GATAD2B: variants seen among roughly 807,000 people sequenced by gnomAD.
The protein encoded by GATAD2B is GATA zinc finger domain containing 2B, also known as transcriptional repressor p66-beta.
A neutral mutation model predicts 64.3 loss-of-function variants in GATAD2B; 8 were observed. That is an observed-to-expected ratio of 0.12 (90% CI 0.07 to 0.22). GATAD2B has a LOEUF of 0.22. GATAD2B is among the 10% of genes least tolerant of loss of function. The pLI is 1.00. For missense variants in GATAD2B, 453 were observed against 752.0 expected (o/e 0.60, Z 4.65); for synonymous variants, 281 against 271.3 (o/e 1.04, Z -0.35).
intron 1 of GATAD2B, among the ~76,000 whole-genome samples, chr1:153,842,333 C>A (rs372463036): frequency 6.6e-6 from 1 of 152,092 alleles, no homozygotes; most frequent in East Asian, 1.9e-4. Flanking sequence ...TTCCTTTTTA[C>A]TGTTGAGTTT....
chr1:153,881,956 G>T (rs1414995349), intron 1 of GATAD2B, among the ~76,000 whole-genome samples: 6 of 152,112 alleles, frequency 3.9e-5, no homozygotes, highest in Non-Finnish European at 1.5e-5. Flanking sequence ...AGCGGGCACT[G>T]CCCTGCCAAT....
intron 1 of GATAD2B, among the ~76,000 whole-genome samples, chr1:153,878,984 G>A (rs984722153): frequency 2.2e-4 from 33 of 151,730 alleles, no homozygotes; most frequent in Non-Finnish European, 4.6e-4. Flanking sequence ...TGTCGCCCAG[G>A]CTGAAAGTGC....
rs541920757 is a variant in GATAD2B at position 153,849,304 on chromosome 1, T to C, written c.-1-20956A>G. Among the ~76,000 whole-genome samples, 13 of 152,332 alleles carry C rather than the reference T, an allele frequency of 8.5e-5. No homozygotes were observed. In the South Asian group the frequency reaches 2.5e-3, roughly 29 times the overall value. Reference sequence around the variant, plus strand: ...ATGGCAAAGAGAGGGTGCCCTTTTATAACAACATTAATCCCACCCATGAGG... The same window carrying C: ...ATGGCAAAGAGAGGGTGCCCTTTTACAACAACATTAATCCCACCCATGAGG... On this transcript the variant is annotated intron_variant, in intron 1 of 10. Coordinates refer to ENST00000368655, the MANE Select transcript of GATAD2B (RefSeq NM_020699.4).
chr1:153,844,326 C>T (rs889204610), intron 1 of GATAD2B, among the ~76,000 whole-genome samples: 2 of 150,796 alleles, frequency 1.3e-5, no homozygotes, highest in African/African-American at 4.9e-5. Context: ...TATGGGGTAT[C>T]GGGTAGAGTG....
At chr1:153,852,314 C>T in intron 1 of GATAD2B, 1 of 1,026,736 alleles carries the variant, frequency 9.7e-7, no homozygotes, top group South Asian at 1.3e-5. Flanking sequence ...CTGTCAGACA[C>T]TTCCTCAAAG....
chr1:153,832,215 CAAAA>C (rs34162294), intron 1 of GATAD2B, among the ~76,000 whole-genome samples: 1 of 146,654 alleles, frequency 6.8e-6, no homozygotes, highest in African/African-American at 2.5e-5. Flanking sequence ...GACTCCATCT[CAAAA>C]AAAAAAAAGT....
chr1:153,811,829 C>A lies in GATAD2B; in HGVS notation c.1550G>T (p.Ser517Ile). 1 of 1,611,140 alleles carries A rather than the reference C, an allele frequency of 6.2e-7. No homozygotes were observed. Among genetic ancestry groups the A allele is most frequent in the Non-Finnish European group, 8.5e-7 (1 of 1,178,822 alleles). ...AGATGTGGGTATGCCACGCTGGAGG[C>A]TGCTCTGGGGCTGTGGAGCCTGCAA... is the stretch of plus-strand genomic sequence containing the variant. The part of the protein sequence containing the change: ...TLRQAPQPQS[S>I]LQRGIPTSAR... The change falls in exon 10 of 11, where the codon AGC (serine) becomes ATC (isoleucine). Residue 517 changes from serine to isoleucine, a missense_variant. Physicochemically the swap from Ser to Ile is moderately radical, Grantham distance 142 (BLOSUM62 -2). Transcript: ENST00000368655.
rs1446103444 is a variant in GATAD2B, at chr1:153,813,353, A to G, written c.1316T>C (p.Ile439Thr). 6.2e-7 allele frequency: 1 copy of G among 1,613,928 alleles called. No individual in the cohort carries two copies. Among genetic ancestry groups the G allele is most frequent in the Non-Finnish European group, 8.5e-7 (1 of 1,179,932 alleles). ...GGAGGTCATACACTGCTCACATAGA[A>G]TCTTACCATTCTTTTCTTGCTTCCA... Reference protein sequence around the residue: ...PHWKQEKNGKILCEQCMTSNQ... With the variant: ...PHWKQEKNGKTLCEQCMTSNQ... Residue 439 changes from isoleucine (I) to threonine (T), a missense_variant, in exon 8 of 11, where the codon ATT becomes ACT. Ile to Thr is a moderately conservative substitution (Grantham distance 89). Around this residue, in one of 2 missense-constraint regions of GATAD2B, gnomAD observed 160 missense variants for 334.7 expected, o/e 0.48. Transcript: ENST00000368655.
chr1:153,856,596 G>A (rs964691798), intron 1 of GATAD2B, among the ~76,000 whole-genome samples: 1 of 151,926 alleles, frequency 6.6e-6, no homozygotes, highest in Non-Finnish European at 1.5e-5. Context: ...CAAATAAGCT[G>A]AACACAATGG....
chr1:153,895,257 C>G (rs1008705535), intron 1 of GATAD2B, among the ~76,000 whole-genome samples: 1 of 151,672 alleles, frequency 6.6e-6, no homozygotes, highest in Non-Finnish European at 1.5e-5. Flanking sequence ...TCAGGTGAAC[C>G]TGGGAGGCAG....
intron 1 of GATAD2B, among the ~76,000 whole-genome samples, chr1:153,909,269 A>G (rs1678044996): frequency 1.3e-5 from 2 of 151,786 alleles, no homozygotes; most frequent in Non-Finnish European, 2.9e-5. Context: ...GCTGGAGTAC[A>G]GTGGCGCAAT....
In GATAD2B at chr1:153,818,964, C is replaced by T. The variant is rs1483841663; in HGVS notation, c.466-42G>A. On this transcript the variant is annotated intron_variant, in intron 3 of 10. Coordinates refer to ENST00000368655, the MANE Select transcript of GATAD2B (RefSeq NM_020699.4). ...ACTTTCAGCTATGGCAGCAAGGTAC[C>T]CAGAATTCCTTCCTGCAAGAGACAA... The T allele has an allele frequency of 3.8e-6, 6 of 1,594,042 alleles. No homozygotes were observed. In the South Asian group the frequency reaches 6.6e-5, roughly 18 times the overall value.
intron 1 of GATAD2B, among the ~76,000 whole-genome samples, chr1:153,902,617 G>A (rs1677813417): frequency 6.6e-6 from 1 of 151,896 alleles, no homozygotes; most frequent in Admixed American, 6.6e-5. Context: ...ACCATACCCT[G>A]CTAAGTTTTC....
chr1:153,916,277 G>GA (rs200305010), intron 1 of GATAD2B, among the ~76,000 whole-genome samples: 193 of 92,560 alleles, frequency 2.1e-3, no homozygotes, highest in South Asian at 3.1e-3. Flanking sequence ...TCCACCTCAA[G>GA]AAAAAAAAAA....
chr1:153,855,930 G>A (rs1308670485), intron 1 of GATAD2B, among the ~76,000 whole-genome samples: 1 of 151,830 alleles, frequency 6.6e-6, no homozygotes, highest in Non-Finnish European at 1.5e-5. Context: ...TGATTCATCC[G>A]CCTTGGCCTC....
At chr1:153,844,939 C>T (rs1456732190) in intron 1 of GATAD2B, among the ~76,000 whole-genome samples, 1 of 151,190 alleles carries the variant, frequency 6.6e-6, no homozygotes, top group African/African-American at 2.4e-5. Flanking sequence ...AACAGGCTTG[C>T]AAAGAGGCAA....
At chr1:153,874,913 AC>A (rs1676778179) in intron 1 of GATAD2B, among the ~76,000 whole-genome samples, 2 of 151,986 alleles carry the variant, frequency 1.3e-5, no homozygotes, top group South Asian at 2.1e-4. Flanking sequence ...TTGTTCTGTC[AC>A]CCAGGCTGGA....
chr1:153,891,942 T>C (rs1677418616), intron 1 of GATAD2B, among the ~76,000 whole-genome samples: 1 of 151,252 alleles, frequency 6.6e-6, no homozygotes, highest in Non-Finnish European at 1.5e-5. Flanking sequence ...GGCGGGCGGA[T>C]CATGAGGTCA....
At chr1:153,883,956 C>G (rs1042520966) in intron 1 of GATAD2B, among the ~76,000 whole-genome samples, 12 of 151,930 alleles carry the variant, frequency 7.9e-5, no homozygotes, top group African/African-American at 2.9e-4. Context: ...TCATACTCAC[C>G]CAAAACCAAA....
Sources: allele counts gnomAD v4.1 joint callset (sites outside exome capture counted in the v4.1 genomes callset), GRCh38; gene constraint gnomAD v4.1.1; regional missense constraint gnomAD v4.1.1; transcripts MANE v1.5; gene names NCBI Gene and HGNC (gene_info 2026-07-23, HGNC 2026-07-21).